MDN1: variants seen among roughly 807,000 people sequenced by gnomAD.
The protein encoded by MDN1 is midasin.
In MDN1, 266 loss-of-function variants were observed where a neutral mutation model predicts 669.2. The observed-to-expected ratio is 0.40, with a 90% CI of 0.36 to 0.44. The LOEUF (loss-of-function observed/expected upper bound fraction) is 0.44. Ranked by LOEUF, MDN1 falls within the 20% of genes least tolerant of loss-of-function variation. The probability of loss-of-function intolerance (pLI) is 1.00; values close to 1 mark genes in which losing one functional copy is unlikely to be tolerated. For synonymous variants in MDN1, 2,385 were observed against 2,457.1 expected (o/e 0.97, Z 0.87); for missense variants, 5,940 against 6,754.0 (o/e 0.88, Z 4.22).
At chr6:89,646,750 C>T (rs1237820560) in intron 99 of MDN1, 147 bp from the exon 100 acceptor site, 7 of 648,190 alleles carry the variant, frequency 1.1e-5, no homozygotes, top group Admixed American at 5.9e-5. Flanking sequence ...CCCTTCTGGC[C>T]GTATGTAGTT....
chr6:89,780,102 T>C (rs1818589032), intron 11 of MDN1, 110 bp downstream of exon 11: 3 of 573,340 alleles, frequency 5.2e-6, no homozygotes, highest in East Asian at 6.5e-5. Context: ...TAACAAACCA[T>C]ACTTGGAAAA....
At chr6:89,816,110 T>C (rs959671388) in intron 1 of MDN1, among the ~76,000 whole-genome samples, 2 of 152,154 alleles carry the variant, frequency 1.3e-5, no homozygotes, top group Non-Finnish European at 2.9e-5. Context: ...TAATAAAGAC[T>C]GTTTTGTGGC....
At chr6:89,760,869 A>G (rs1817507093) in intron 17 of MDN1, among the ~76,000 whole-genome samples, 1 of 152,192 alleles carries the variant, frequency 6.6e-6, no homozygotes, top group Non-Finnish European at 1.5e-5. Context: ...TAATGAAAGT[A>G]CAAAGCCTTG....
chr6:89,687,537 T>G lies in MDN1; in HGVS notation c.11356-99A>C, dbSNP rs1812099616. ...TGAACTTTGCTTGAGTGAAGACTAC[T>G]GGGCCCTTAAACAACTTGCACCAAT... On this transcript the variant is annotated intron_variant, in intron 67 of 101. Transcript: ENST00000369393. The G allele has an allele frequency of 4.2e-6, 4 of 961,740 alleles. No individual in the cohort carries two copies. The South Asian group carries it at 6.1e-5, about 15-fold the overall frequency. 59.6% of individuals were successfully genotyped at this position (961,740 alleles called of 1,614,324 possible). A position where few individuals can be genotyped will look rare whatever the true frequency, so the allele number is the denominator to read the frequency against.
At chr6:89,690,531 C>G in intron 64 of MDN1, 142 bp downstream of exon 64, 1 of 1,081,428 alleles carries the variant, frequency 9.2e-7, no homozygotes, top group Middle Eastern at 3.1e-4. Context: ...GCACTCCAGC[C>G]TGGGTGATAG....
In MDN1 at chr6:89,786,183, C is replaced by T. The variant is rs540166908; in HGVS notation, c.1335-1057G>A. On this transcript the variant is annotated intron_variant, in intron 8 of 101. Coordinates refer to ENST00000369393, the MANE Select transcript of MDN1 (RefSeq NM_014611.3). The stretch of plus-strand genomic sequence containing the variant: ...CTGAGGCACGAGAATCGCTTGAACC[C>T]GGGAGGCAGAGGTTGCAGTGAGCCA... Among the ~76,000 whole-genome samples the T allele has an allele frequency of 4.9e-3, 748 of 152,196 alleles. 6 individuals are homozygous for T. The highest frequency in any genetic ancestry group is 7.6e-3 in the Non-Finnish European group (517 of 68,018).
intron 59 of MDN1, among the ~76,000 whole-genome samples, chr6:89,697,292 G>C (rs1046179340): frequency 2.0e-5 from 3 of 152,078 alleles, no homozygotes; most frequent in Non-Finnish European, 2.9e-5. Context: ...AACATATACT[G>C]ATGAAATAGA....
intron 15 of MDN1, 34 bp downstream of exon 15, chr6:89,771,527 C>A (rs745751172): frequency 1.3e-5 from 20 of 1,581,486 alleles, no homozygotes; most frequent in African/African-American, 9.5e-5. Flanking sequence ...GCAATAAACA[C>A]AAAAATAAGA....
At chr6:89,748,206 G>A (rs1341794611) in intron 26 of MDN1, among the ~76,000 whole-genome samples, 1 of 152,058 alleles carries the variant, frequency 6.6e-6, no homozygotes, top group Non-Finnish European at 1.5e-5. Context: ...CACGCCTATA[G>A]TCGCAGCTAC....
rs1818152460 is a variant in MDN1 at position 89,772,648 on chromosome 6, C to T, written c.2008G>A (p.Gly670Arg). The T allele has an allele frequency of 1.9e-6, 3 of 1,614,134 alleles. No homozygotes were observed. Residue 670 changes from glycine (G) to arginine (R), a missense_variant, in exon 14 of 102, where the codon GGG becomes AGG. By Grantham distance (125) the Gly-to-Arg change is moderately radical. Transcript: ENST00000369393. ...IEQLAVCVSK[G>R]EPVLLVGETG... ...TCTCCCACCAGCAACACAGGCTCCC[C>T]TTTGCTGACACACACTGCAAGCTGC...
rs1769129159 is a variant in MDN1 at position 89,819,674 on chromosome 6, C to T, written c.-67G>A. The T allele has an allele frequency of 2.2e-6, 3 of 1,376,900 alleles. No homozygotes were observed. Among genetic ancestry groups the T allele is most frequent in the Non-Finnish European group, 3.1e-6 (3 of 979,464 alleles). The allele number at this position is 1,376,900 out of a possible 1,614,324, so 85.3% of individuals were successfully genotyped here. ...CTTCGCGGCCAGCGTCCCCAAGCCGCCGAGGTCCCAGTGCCCGAGCAGCCA... is the reference window on the plus strand; with the variant it reads ...CTTCGCGGCCAGCGTCCCCAAGCCGTCGAGGTCCCAGTGCCCGAGCAGCCA... On this transcript the variant is annotated 5_prime_UTR_variant, in exon 1 of 102. Transcript: ENST00000369393.
At chr6:89,803,771 C>CG (rs1767821392) in intron 1 of MDN1, among the ~76,000 whole-genome samples, 1 of 151,512 alleles carries the variant, frequency 6.6e-6, no homozygotes, top group Admixed American at 6.6e-5. Flanking sequence ...TTAGTAGAGA[C>CG]GGGGTTTCAC....
intron 47 of MDN1, 52 bp from the exon 48 acceptor site, chr6:89,712,838 CCCCAAAAACCAGCAAAGTAATAA>C: frequency 6.5e-7 from 1 of 1,531,236 alleles, no homozygotes; most frequent in Non-Finnish European, 9.0e-7. Context: ...AAGTGATATT[CCCCAAAAACCAGCAAAGTAATAA>C]TAGTCCATGC....
chr6:89,687,215 C>G, intron 68 of MDN1, 129 bp downstream of exon 68: 1 of 1,150,098 alleles, frequency 8.7e-7, no homozygotes, highest in Non-Finnish European at 1.2e-6. Context: ...CTACTTTTAA[C>G]TCTGTGATTA....
chr6:89,741,852 G>A (rs557103372), intron 31 of MDN1, among the ~76,000 whole-genome samples: 5 of 152,198 alleles, frequency 3.3e-5, no homozygotes, highest in Admixed American at 6.5e-5. Context: ...TGTAATCCCA[G>A]CACTTTGGGA....
Position 89,648,279 on chromosome 6 carries a change from T to C in MDN1, c.16257A>G (p.Glu5419=). Residue 5419 remains glutamate (E), a synonymous_variant, in exon 98 of 102, where the codon GAA becomes GAG. Coordinates refer to ENST00000369393, the MANE Select transcript of MDN1 (RefSeq NM_014611.3). The part of the protein sequence containing the change: ...AVIGNALTLL[E]VGQIAVCSFG... ...ACCTACACACTGCAATCTGACCCAC[T>C]TCCAGGAGGGTTAGAGCATTTCCAA... 2 of 1,614,094 alleles carry C rather than the reference T, an allele frequency of 1.2e-6. No individual in the cohort carries two copies. Among genetic ancestry groups the C allele is most frequent in the Non-Finnish European group, 1.7e-6 (2 of 1,179,940 alleles).
At chr6:89,678,845 A>C in intron 74 of MDN1, 100 bp from the exon 75 acceptor site, 1 of 1,247,652 alleles carries the variant, frequency 8.0e-7, no homozygotes, top group Non-Finnish European at 1.1e-6. Context: ...TGGAGAACAA[A>C]GGCCAAGTAT....
At chr6:89,758,557 T>C (rs1425481098) in intron 18 of MDN1, among the ~76,000 whole-genome samples, 2 of 152,156 alleles carry the variant, frequency 1.3e-5, no homozygotes, top group Non-Finnish European at 2.9e-5. Context: ...ATTTATCTTT[T>C]ATCAACCATT....
At position 89,774,015 on chromosome 6, in the gene MDN1, G is replaced by A. The variant is rs1818235798; in HGVS notation, c.1934+606C>T. Among the ~76,000 whole-genome samples, 4 of 151,620 alleles carry A rather than the reference G, an allele frequency of 2.6e-5. No homozygotes were observed. In the South Asian group the frequency reaches 8.4e-4, roughly 32 times the overall value. The stretch of plus-strand genomic sequence containing the variant: ...AAAAGAAAGAAAGAAATCAGGAAGA[G>A]GCAAGAAAGCATTCTCCCCTAGAGC... On this transcript the variant is annotated intron_variant, in intron 13 of 101. Transcript: ENST00000369393.
Sources: gnomAD v4.1 joint callset for allele counts (sites outside exome capture counted in the v4.1 genomes callset) on GRCh38, gnomAD v4.1.1 for gene constraint, MANE v1.5 for transcripts, NCBI Gene and HGNC (gene_info 2026-07-23, HGNC 2026-07-21) for gene names.